Variants in RELN observed in about 807,000 individuals in gnomAD.
The protein encoded by RELN is reelin.
Under a neutral mutation model 427.6 loss-of-function variants are expected in RELN, and 108 were observed. The ratio of observed to expected loss-of-function variants is 0.25; its 90% confidence interval spans 0.22 to 0.30. The LOEUF (loss-of-function observed/expected upper bound fraction) is 0.30. RELN is among the 10% of genes least tolerant of loss of function. RELN has a pLI of 1.00. For synonymous variants in RELN, 1,524 were observed against 1,513.4 expected (o/e 1.01, Z -0.16); for missense variants, 3,715 against 4,302.8 (o/e 0.86, Z 3.82).
intron 4 of RELN, among the ~76,000 whole-genome samples, chr7:103,770,036 C>T (rs943663900): frequency 2.0e-5 from 3 of 152,018 alleles, no homozygotes; most frequent in South Asian, 2.1e-4. Flanking sequence ...TTTCTTAAAC[C>T]CTACCCCAGT....
chr7:103,975,538 T>TTTATTTAG (rs1796856114), intron 1 of RELN, among the ~76,000 whole-genome samples: 1 of 149,082 alleles, frequency 6.7e-6, no homozygotes, highest in Non-Finnish European at 1.5e-5. Flanking sequence ...TATTTATTTA[T>TTTATTTAG]TTATTTATTT....
At position 103,902,006 on chromosome 7, in the gene RELN, T is replaced by G. The variant is rs559323129; in HGVS notation, c.337+15069A>C. On this transcript the variant is annotated intron_variant, in intron 2 of 64. Coordinates refer to ENST00000428762, the MANE Select transcript of RELN (RefSeq NM_005045.4). ...CCATGTGAGACTTATTAATATATCA[T>G]GTAGCACTAATGTTTGCAACAGCAC... Among the ~76,000 whole-genome samples the G allele has an allele frequency of 1.7e-4, 26 of 152,206 alleles. 1 individual carries two copies. Among genetic ancestry groups the G allele is most frequent in the Non-Finnish European group, 1.5e-5 (1 of 67,954 alleles).
At chr7:103,497,000 G>A (rs1395038727) in intron 55 of RELN, among the ~76,000 whole-genome samples, 1 of 152,152 alleles carries the variant, frequency 6.6e-6, no homozygotes, top group Non-Finnish European at 1.5e-5. Context: ...TAAAAACACT[G>A]AAGTAAAAAT....
intron 20 of RELN, among the ~76,000 whole-genome samples, chr7:103,615,946 AAGGC>A (rs1485708209): frequency 6.6e-6 from 1 of 152,192 alleles, no homozygotes; most frequent in East Asian, 1.9e-4. Flanking sequence ...TTTTATATGA[AAGGC>A]AGACACACAT....
At chr7:103,592,572 T>C (rs1233883787) in intron 27 of RELN, among the ~76,000 whole-genome samples, 1 of 152,116 alleles carries the variant, frequency 6.6e-6, no homozygotes, top group Non-Finnish European at 1.5e-5. Flanking sequence ...GGTCAAATGG[T>C]AGAGAATTAA....
rs141041201 is a variant in RELN, at chr7:103,563,235, G to A, written c.5211-1282C>T. On this transcript the variant is annotated intron_variant, in intron 34 of 64. Coordinates refer to ENST00000428762, the MANE Select transcript of RELN (RefSeq NM_005045.4). This position sits in a 1 kb window ranked among gnomAD's most constrained non-coding sequence, Gnocchi z 4.1. ...ATACAGTGATGTGCTGCATAATGAC[G>A]TTTCTGTCGATGATGGACTGCATTT... 5.9e-5 allele frequency among the ~76,000 whole-genome samples: 9 copies of A among 152,242 alleles called. No individual in the cohort carries two copies. Among genetic ancestry groups the A allele is most frequent in the Admixed American group, 1.3e-4 (2 of 15,286 alleles).
At chr7:103,770,656 T>G (rs998139420) in intron 4 of RELN, among the ~76,000 whole-genome samples, 2 of 149,410 alleles carry the variant, frequency 1.3e-5, no homozygotes, top group Admixed American at 6.7e-5. Context: ...TTTTAAAAAT[T>G]TTTTTTTTTA....
At chr7:103,616,227 G>A (rs754353369) in intron 20 of RELN, among the ~76,000 whole-genome samples, 1 of 152,042 alleles carries the variant, frequency 6.6e-6, no homozygotes, top group Non-Finnish European at 1.5e-5. Flanking sequence ...GCTCTGCAGA[G>A]CTTATTTCTA....
chr7:103,701,829 CA>C (rs200572253), intron 8 of RELN, among the ~76,000 whole-genome samples: 1 of 150,456 alleles, frequency 6.6e-6, no homozygotes, highest in African/African-American at 2.4e-5. Context: ...TGAACCAAAA[CA>C]AAAAAAAATA....
chr7:103,654,084 C>T lies in RELN; in HGVS notation c.1554+9G>A. The stretch of plus-strand genomic sequence containing the variant: ...GTGGTCTATTTGCCACACAGACTGG[C>T]ATGTGTACCTTATATGAGGAATAGG... On this transcript the variant is annotated intron_variant, in intron 13 of 64. Transcript: ENST00000428762. 1 of 1,473,324 alleles carries T rather than the reference C, an allele frequency of 6.8e-7. No homozygotes were observed. Among genetic ancestry groups the T allele is most frequent in the African/African-American group, 1.4e-5 (1 of 72,174 alleles). The allele number at this position is 1,473,324 out of a possible 1,614,324, so 91.3% of individuals were successfully genotyped here. A position where few individuals can be genotyped will look rare whatever the true frequency, so the allele number is the denominator to read the frequency against.
intron 1 of RELN, among the ~76,000 whole-genome samples, chr7:103,919,160 A>T (rs1584366895): frequency 7.3e-6 from 1 of 137,840 alleles, no homozygotes; most frequent in East Asian, 2.3e-4. Context: ...TTTTTTTAGA[A>T]AGAGGAGGAA....
intron 1 of RELN, among the ~76,000 whole-genome samples, chr7:103,943,815 T>C (rs1214217834): frequency 8.2e-6 from 1 of 121,308 alleles, no homozygotes; most frequent in Non-Finnish European, 1.6e-5. Flanking sequence ...GCCACTGCAC[T>C]CCAGCTTGGG....
At chr7:103,821,069 C>T (rs926617630) in intron 3 of RELN, among the ~76,000 whole-genome samples, 6 of 152,116 alleles carry the variant, frequency 3.9e-5, no homozygotes, top group African/African-American at 1.4e-4. Flanking sequence ...TTTGCTGTTT[C>T]ACAAGCTCAT....
Position 103,485,660 on chromosome 7 carries a change from A to G in RELN, c.9983+537T>C, listed in dbSNP as rs1249037937. Among the ~76,000 whole-genome samples the G allele has an allele frequency of 2.0e-5, 3 of 152,162 alleles. No homozygotes were observed. In the East Asian group the frequency reaches 5.8e-4, roughly 29 times the overall value. ...CAGTCACTTCCCTAGTCCATTTGCA[A>G]GGTCTCTGCCCACTCTACTCTGCAT... On this transcript the variant is annotated intron_variant, in intron 61 of 64. Transcript: ENST00000428762.
intron 2 of RELN, among the ~76,000 whole-genome samples, chr7:103,898,119 C>T (rs1259682912): frequency 1.3e-5 from 2 of 151,846 alleles, no homozygotes; most frequent in African/African-American, 4.8e-5. Context: ...TAGTTTTCTA[C>T]AGCTTCTTAA....
chr7:103,859,158 A>G (rs975224717), intron 2 of RELN, among the ~76,000 whole-genome samples: 1 of 152,218 alleles, frequency 6.6e-6, no homozygotes, highest in Non-Finnish European at 1.5e-5. Context: ...CTTTAATAAG[A>G]AAAATATGTA....
At chr7:103,883,058 T>C (rs959918372) in intron 2 of RELN, among the ~76,000 whole-genome samples, 1 of 152,088 alleles carries the variant, frequency 6.6e-6, no homozygotes, top group Non-Finnish European at 1.5e-5. Flanking sequence ...ACAAACCAAA[T>C]CCAGCAGCAC....
chr7:103,559,396 A>G (rs937320348), intron 36 of RELN, among the ~76,000 whole-genome samples: 1 of 152,234 alleles, frequency 6.6e-6, no homozygotes, highest in Non-Finnish European at 1.5e-5. Context: ...GCATAGATTC[A>G]TACTTCAGGA....
At chr7:103,695,285 C>A (rs1291546966) in intron 10 of RELN, among the ~76,000 whole-genome samples, 1 of 152,052 alleles carries the variant, frequency 6.6e-6, no homozygotes, top group Non-Finnish European at 1.5e-5. Flanking sequence ...ATGACAAATT[C>A]TTAGATATTA....
Sources: gnomAD v4.1 joint callset for allele counts (sites outside exome capture counted in the v4.1 genomes callset) on GRCh38, gnomAD v4.1.1 for gene constraint, Gnocchi (gnomAD v3.1) non-coding constraint, MANE v1.5 for transcripts, NCBI Gene and HGNC (gene_info 2026-07-23, HGNC 2026-07-21) for gene names.